TBC1D1: variants seen among roughly 807,000 people sequenced by gnomAD.
TBC1D1 encodes the protein TBC1 domain family member 1, also known as TBC1 (tre-2/USP6, BUB2, cdc16) domain family, member 1.
TBC1D1 carries 89 observed loss-of-function variants against 125.6 expected under a neutral mutation model. The observed-to-expected ratio is 0.71, with a 90% CI of 0.60 to 0.85. The LOEUF (loss-of-function observed/expected upper bound fraction) is 0.85, where lower values mean the gene tolerates loss of function less well. TBC1D1 is among the 40% of genes least tolerant of loss of function. The probability of loss-of-function intolerance (pLI) is 0.00; values close to 1 mark genes in which losing one functional copy is unlikely to be tolerated. For synonymous variants in TBC1D1, 565 were observed against 564.1 expected (o/e 1.00, Z -0.02); for missense variants, 1,377 against 1,469.2 (o/e 0.94, Z 1.03).
rs113445216 is a variant in TBC1D1 at position 38,066,137 on chromosome 4, C to T, written c.2050+11799C>T. ...TATCAAGAGTTTTGATAGGTTTGCT[C>T]ACTTAAATTAGTGCTTGTACAGTAA... On this transcript the variant is annotated intron_variant, in intron 12 of 19. Coordinates refer to ENST00000261439, the MANE Select transcript of TBC1D1 (RefSeq NM_015173.4). 3.6e-3 allele frequency among the ~76,000 whole-genome samples: 552 copies of T among 152,168 alleles called. 3 individuals are homozygous for T. The highest frequency in any genetic ancestry group is 0.013 in the African/African-American group (524 of 41,500).
At chr4:37,988,894 C>CA (rs1490192827) in intron 2 of TBC1D1, among the ~76,000 whole-genome samples, 1 of 152,162 alleles carries the variant, frequency 6.6e-6, no homozygotes, top group Non-Finnish European at 1.5e-5. Context: ...GCACAACTGA[C>CA]CAGCGTAAAC....
At chr4:37,996,327 G>T in intron 2 of TBC1D1, 1 of 196,656 alleles carries the variant, frequency 5.1e-6, no homozygotes, top group Non-Finnish European at 1.1e-5. Context: ...AGAATGCCAA[G>T]GAGCAATGAA....
rs114464357 is a variant in TBC1D1 at position 38,031,332 on chromosome 4, G to A, written c.1302+3453G>A. Among the ~76,000 whole-genome samples, 1,087 of 152,308 alleles carry A rather than the reference G, an allele frequency of 7.1e-3. 17 individuals are homozygous for A. The highest frequency in any genetic ancestry group is 0.025 in the African/African-American group (1,027 of 41,566). On this transcript the variant is annotated intron_variant, in intron 7 of 19. Transcript: ENST00000261439. Reference sequence around the variant, plus strand: ...TTCATTAAGTAACATGACTTCACAAGTTAAAGGTTAATGGTCAGAAGAGAC... The same window carrying A: ...TTCATTAAGTAACATGACTTCACAAATTAAAGGTTAATGGTCAGAAGAGAC...
At chr4:38,135,092 T>C (rs1333721755) in intron 19 of TBC1D1, among the ~76,000 whole-genome samples, 1 of 152,180 alleles carries the variant, frequency 6.6e-6, no homozygotes, top group African/African-American at 2.4e-5. Flanking sequence ...GAATCATGCC[T>C]CCTCCGTGTA....
rs1560289163 is a variant in TBC1D1, at chr4:38,138,103, C to G, written c.*768C>G. The G allele has an allele frequency of 6.6e-6, 1 of 151,976 alleles. No homozygotes were observed. Among genetic ancestry groups the G allele is most frequent in the Non-Finnish European group, 1.5e-5 (1 of 68,012 alleles). 9.4% of individuals were successfully genotyped at this position (151,976 alleles called of 1,614,324 possible). A position where few individuals can be genotyped will look rare whatever the true frequency, so the allele number is the denominator to read the frequency against. ...TCACTGTCAAGTGAAATGGATCTCT[C>G]TCTTTGGTATTTAAGGAAGTTTGTC... On this transcript the variant is annotated 3_prime_UTR_variant, in exon 20 of 20. Coordinates refer to ENST00000261439, the MANE Select transcript of TBC1D1 (RefSeq NM_015173.4).
At chr4:38,077,592 A>C (rs1201503676) in intron 12 of TBC1D1, among the ~76,000 whole-genome samples, 2 of 152,032 alleles carry the variant, frequency 1.3e-5, no homozygotes, top group Non-Finnish European at 2.9e-5. Flanking sequence ...ATATGGCAGA[A>C]ATTATACCTT....
chr4:38,001,223 A>AAAAGAAAGAAAGAAAGAAAG (rs34403727), intron 2 of TBC1D1, among the ~76,000 whole-genome samples: 9 of 150,070 alleles, frequency 6.0e-5, no homozygotes, highest in African/African-American at 2.2e-4. Context: ...CCGTCTCAAA[A>AAAAGAAAGAAAGAAAGAAAG]AAAGAAAGAA....
intron 2 of TBC1D1, among the ~76,000 whole-genome samples, chr4:37,979,065 T>C (rs1247796085): frequency 1.3e-5 from 2 of 152,098 alleles, no homozygotes; most frequent in Non-Finnish European, 2.9e-5. Flanking sequence ...TCAGTAGAGA[T>C]GGGGTTTTGT....
chr4:37,923,629 C>T (rs1002080699), intron 2 of TBC1D1, among the ~76,000 whole-genome samples: 12 of 151,536 alleles, frequency 7.9e-5, no homozygotes, highest in African/African-American at 2.9e-4. Context: ...GTTGTAACCA[C>T]AAAAGCCTTA....
intron 2 of TBC1D1, among the ~76,000 whole-genome samples, chr4:37,943,835 C>T (rs1032504920): frequency 1.3e-5 from 2 of 152,240 alleles, no homozygotes; most frequent in Non-Finnish European, 2.9e-5. Flanking sequence ...TCCCTCAACT[C>T]ATCAAAGTCA....
In TBC1D1 at chr4:37,902,173, G is replaced by A; in HGVS notation, c.78G>A (p.Val26=). Residue 26 remains valine (V), a synonymous_variant, in exon 2 of 20, where the codon GTG becomes GTA. Coordinates refer to ENST00000261439, the MANE Select transcript of TBC1D1 (RefSeq NM_015173.4). ...CGGTGGATTTTGGCCTGCAGCTGGT[G>A]GGCTCCCTGCCTGTGCATTCCCTGA... The A allele has an allele frequency of 6.2e-7, 1 of 1,613,926 alleles. No homozygotes were observed. The highest frequency in any genetic ancestry group is 2.2e-5 in the East Asian group (1 of 44,872).
At chr4:38,028,951 A>G (rs1342779446) in intron 7 of TBC1D1, among the ~76,000 whole-genome samples, 1 of 152,136 alleles carries the variant, frequency 6.6e-6, no homozygotes, top group Non-Finnish European at 1.5e-5. Flanking sequence ...ACCTACAAAA[A>G]CAAAACAAAA....
At chr4:37,963,922 G>C (rs1730560437) in intron 2 of TBC1D1, among the ~76,000 whole-genome samples, 1 of 152,140 alleles carries the variant, frequency 6.6e-6, no homozygotes, top group African/African-American at 2.4e-5. Flanking sequence ...TAAAACACCA[G>C]GGTGACTACA....
intron 2 of TBC1D1, among the ~76,000 whole-genome samples, chr4:37,941,785 A>G (rs1259530004): frequency 1.3e-5 from 2 of 152,198 alleles, no homozygotes; most frequent in Non-Finnish European, 2.9e-5. Context: ...TTATGTACCC[A>G]GTAGTCATTC....
At chr4:37,943,656 T>C (rs1160838794) in intron 2 of TBC1D1, among the ~76,000 whole-genome samples, 2 of 152,394 alleles carry the variant, frequency 1.3e-5, no homozygotes, top group East Asian at 3.8e-4. Context: ...ATTTGTCACA[T>C]AGTTCTCATG....
At chr4:38,010,890 G>C (rs1192015928) in intron 2 of TBC1D1, among the ~76,000 whole-genome samples, 1 of 152,122 alleles carries the variant, frequency 6.6e-6, no homozygotes, top group Admixed American at 6.5e-5. Flanking sequence ...TTATATTTCT[G>C]AATCCCTGGC....
chr4:38,045,870 C>T lies in TBC1D1; in HGVS notation c.1596C>T (p.Ser532=), dbSNP rs1451409617. 1 of 1,613,484 alleles carries T rather than the reference C, an allele frequency of 6.2e-7. No individual in the cohort carries two copies. The highest frequency in any genetic ancestry group is 1.1e-5 in the South Asian group (1 of 91,046). The change falls in exon 10 of 20, where the codon AGC becomes AGT. Residue 532 remains serine (S), a synonymous_variant. Coordinates refer to ENST00000261439, the MANE Select transcript of TBC1D1 (RefSeq NM_015173.4). ...ACTCCATCAGTGTGGATCTGGATAGCTCCCTGTCTAGTACATTAAGTAACA... is the reference window on the plus strand; with the variant it reads ...ACTCCATCAGTGTGGATCTGGATAGTTCCCTGTCTAGTACATTAAGTAACA...
intron 2 of TBC1D1, among the ~76,000 whole-genome samples, chr4:37,960,005 T>G (rs1729662205): frequency 6.6e-6 from 1 of 152,214 alleles, no homozygotes; most frequent in African/African-American, 2.4e-5. Flanking sequence ...AGACTTGCAT[T>G]TATTAAAGGT....
intron 17 of TBC1D1, among the ~76,000 whole-genome samples, chr4:38,120,752 C>T (rs948285111): frequency 2.0e-5 from 3 of 152,172 alleles, no homozygotes; most frequent in Non-Finnish European, 4.4e-5. Context: ...TAGCCCCTTC[C>T]TGTATTTTTC....
Sources: allele counts gnomAD v4.1 joint callset (sites outside exome capture counted in the v4.1 genomes callset), GRCh38; gene constraint gnomAD v4.1.1; transcripts MANE v1.5; gene names NCBI Gene and HGNC (gene_info 2026-07-23, HGNC 2026-07-21).